The following APOO variants were observed in gnomAD, a reference collection of about 807,000 sequenced individuals.
The protein encoded by APOO is apolipoprotein O.
Under a neutral mutation model 23.1 loss-of-function variants are expected in APOO, and 11 were observed. That is an observed-to-expected ratio of 0.48 (90% CI 0.30 to 0.79). The LOEUF (loss-of-function observed/expected upper bound fraction) is 0.79, where lower values mean the gene tolerates loss of function less well. Ranked by LOEUF, APOO falls within the 30% of genes least tolerant of loss-of-function variation. APOO has a pLI of 0.07. For missense variants in APOO, 160 were observed against 142.7 expected (o/e 1.12, Z -0.62); for synonymous variants, 59 against 54.8 (o/e 1.08, Z -0.34).
intron 5 of APOO, among the ~76,000 whole-genome samples, chrX:23,862,908 G>A (rs1200876046): frequency 5.0e-5 from 3 of 60,425 alleles, no homozygotes; most frequent in Admixed American, 1.9e-4. Context: ...GGGAAGGGGA[G>A]GGAGAAGGAG....
chrX:23,895,599 G>A (rs113176694), intron 1 of APOO, among the ~76,000 whole-genome samples: 57 of 111,220 alleles, frequency 5.1e-4, no homozygotes, highest in African/African-American at 1.8e-3. Flanking sequence ...CATGGCATGT[G>A]TACCTATGTA....
At chrX:23,835,210 C>T (rs1425401746) in intron 8 of APOO, among the ~76,000 whole-genome samples, 3 of 106,859 alleles carry the variant, frequency 2.8e-5, no homozygotes, top group South Asian at 4.1e-4. Context: ...TACAGGCAGG[C>T]GCCACCACGC....
intron 5 of APOO, among the ~76,000 whole-genome samples, chrX:23,862,864 G>A (rs1487841312): frequency 1.4e-5 from 1 of 70,383 alleles, no homozygotes; most frequent in Non-Finnish European, 2.7e-5. Context: ...AGGGAGGGGA[G>A]GGAGGGATGC....
chrX:23,866,126 C>T (rs141156288), intron 5 of APOO, among the ~76,000 whole-genome samples: 70 of 111,034 alleles, frequency 6.3e-4, no homozygotes, highest in African/African-American at 2.2e-3. Flanking sequence ...AAGATTTTCC[C>T]ACATGCTCTA....
chrX:23,838,578 G>A (rs1244073720), intron 8 of APOO, among the ~76,000 whole-genome samples: 1 of 105,519 alleles, frequency 9.5e-6, no homozygotes, highest in Non-Finnish European at 1.9e-5. Context: ...CACCATGCCT[G>A]GCTTTTTTTT....
intron 1 of APOO, among the ~76,000 whole-genome samples, chrX:23,905,577 C>A (rs989169898): frequency 6.3e-5 from 7 of 110,815 alleles, no homozygotes; most frequent in Non-Finnish European, 1.3e-4. Flanking sequence ...GTCTGTGAAG[C>A]CTTCTCTGAA....
At chrX:23,874,953 A>G (rs1446961024) in intron 3 of APOO, among the ~76,000 whole-genome samples, 1 of 111,905 alleles carries the variant, frequency 8.9e-6, no homozygotes, top group African/African-American at 3.2e-5. Context: ...CTTAAAAACA[A>G]TAAAAAGGCT....
intron 1 of APOO, among the ~76,000 whole-genome samples, chrX:23,886,921 G>C (rs1473193787): frequency 9.0e-6 from 1 of 111,315 alleles, no homozygotes; most frequent in Admixed American, 9.6e-5. Context: ...GGCTAAGATG[G>C]GTAGAATCAC....
chrX:23,842,911 A>G (rs1484681360), intron 7 of APOO, among the ~76,000 whole-genome samples: 6 of 111,794 alleles, frequency 5.4e-5, no homozygotes, highest in East Asian at 5.6e-4. Context: ...GGGAGGCTGA[A>G]GCAGGAGAAT....
intron 1 of APOO, among the ~76,000 whole-genome samples, chrX:23,885,648 C>CTAG: frequency 9.1e-6 from 1 of 110,076 alleles, no homozygotes; most frequent in African/African-American, 3.3e-5. Context: ...CCCCTCTTAT[C>CTAG]TTACTTGTTT....
intron 7 of APOO, among the ~76,000 whole-genome samples, chrX:23,854,645 T>G (rs770900731): frequency 9.0e-6 from 1 of 110,501 alleles, no homozygotes; most frequent in Non-Finnish European, 1.9e-5. Context: ...CTCAGCCTCC[T>G]GAGTAGCCGG....
chrX:23,836,870 T>C, intron 8 of APOO: 7 of 1,062,986 alleles, frequency 6.6e-6, no homozygotes, highest in South Asian at 6.0e-5. Flanking sequence ...ACAAGCTCAA[T>C]GTCATTTCCT....
At chrX:23,879,175 C>T in intron 2 of APOO, 141 bp from the exon 3 acceptor site, 4 of 749,804 alleles carry the variant, frequency 5.3e-6, no homozygotes, top group Non-Finnish European at 7.2e-6. Context: ...GTGGTTCACG[C>T]TTGTAATCCC....
At chrX:23,877,136 CCAAA>C (rs1210690916) in intron 3 of APOO, among the ~76,000 whole-genome samples, 1 of 108,935 alleles carries the variant, frequency 9.2e-6, no homozygotes. Flanking sequence ...GCCAAAAAAA[CCAAA>C]CAAACAAACA....
At chrX:23,840,161 A>T in intron 8 of APOO, 152 bp downstream of exon 8, 1 of 349,664 alleles carries the variant, frequency 2.9e-6, no homozygotes, top group East Asian at 5.1e-5. Flanking sequence ...AGTAAGTCAC[A>T]GCATTTAAGC....
At chrX:23,864,436 G>A (rs1185503345) in intron 5 of APOO, among the ~76,000 whole-genome samples, 1 of 111,028 alleles carries the variant, frequency 9.0e-6, no homozygotes, top group Non-Finnish European at 1.9e-5. Context: ...CCAAGTAGCT[G>A]GGATTACAGG....
chrX:23,880,785 T>C (rs756176910), intron 2 of APOO, 60 bp downstream of exon 2: 2 of 682,245 alleles, frequency 2.9e-6, no homozygotes, highest in Admixed American at 4.3e-5. Flanking sequence ...TTGTAAAAAA[T>C]TATCCTACAG....
At chrX:23,889,793 C>T (rs1389836947) in intron 1 of APOO, among the ~76,000 whole-genome samples, 2 of 108,283 alleles carry the variant, frequency 1.8e-5, no homozygotes, top group Non-Finnish European at 3.8e-5. Flanking sequence ...CTCCTGGTAG[C>T]TGGGACTACA....
chrX:23,905,528 A>C (rs1230270847), intron 1 of APOO, among the ~76,000 whole-genome samples: 4 of 111,274 alleles, frequency 3.6e-5, no homozygotes, highest in Non-Finnish European at 5.7e-5. Context: ...TTTTACCTGA[A>C]GAACTCCTAC....
Sources: gnomAD v4.1 joint callset for allele counts (sites outside exome capture counted in the v4.1 genomes callset) on GRCh38, gnomAD v4.1.1 for gene constraint, MANE v1.5 for transcripts, NCBI Gene and HGNC (gene_info 2026-07-23, HGNC 2026-07-21) for gene names.